PARK7: variants seen among roughly 807,000 people sequenced by gnomAD.
PARK7 encodes Parkinsonism associated deglycase, also known as Parkinson disease protein 7.
In PARK7, 14 loss-of-function variants were observed where a neutral mutation model predicts 20.5. The ratio of observed to expected loss-of-function variants is 0.68; its 90% CI spans 0.45 to 1.07. PARK7 has a LOEUF of 1.07. Among genes scored for constraint, PARK7 ranks in the 50% least tolerant of loss-of-function variants. The probability of loss-of-function intolerance (pLI) is 0.00; values close to 1 mark genes in which losing one functional copy is unlikely to be tolerated. For missense variants in PARK7, 234 were observed against 238.1 expected, an observed-to-expected ratio of 0.98 and a Z score of 0.11; for synonymous variants, 98 against 84.3, an observed-to-expected ratio of 1.16 and a Z score of -0.89.
chr1:7,983,804 C>A (rs1037722806), intron 6 of PARK7, among the ~76,000 whole-genome samples: 1 of 152,182 alleles, frequency 6.6e-6, no homozygotes, highest in South Asian at 2.1e-4. Context: ...GAAAGGAGAT[C>A]GAGTCAAGAA....
intron 5 of PARK7, among the ~76,000 whole-genome samples, chr1:7,972,497 T>C (rs936117524): frequency 1.6e-4 from 25 of 152,274 alleles, no homozygotes; most frequent in Admixed American, 1.4e-3. Flanking sequence ...CTTCTCAGTC[T>C]TTCAGGAGTG....
chr1:7,983,104 T>G (rs1030305717), intron 6 of PARK7: 4 of 152,226 alleles, frequency 2.6e-5, no homozygotes, highest in African/African-American at 9.6e-5. Flanking sequence ...ACTCTGCTTC[T>G]GTTTGAAGGG....
rs1000863991 is a variant in PARK7, at chr1:7,961,784, C to G, written c.-33C>G. 2 of 152,658 alleles carry G rather than the reference C, an allele frequency of 1.3e-5. No individual in the cohort carries two copies. The highest frequency in any genetic ancestry group is 1.3e-4 in the Admixed American group (2 of 15,276). The allele number at this position is 152,658 out of a possible 1,614,324, so 9.5% of individuals were successfully genotyped here. The stretch of plus-strand genomic sequence containing the variant: ...GGCGCCGCGTCCGCAGGAAGAGGCG[C>G]GGGGTGCAGGTCAGCGCCAGCGGGG... On this transcript the variant is annotated 5_prime_UTR_variant, in exon 1 of 7. Coordinates refer to ENST00000338639, the MANE Select transcript of PARK7 (RefSeq NM_007262.5).
chr1:7,974,835 CAG>C (rs1404704952), intron 5 of PARK7, among the ~76,000 whole-genome samples: 1 of 146,148 alleles, frequency 6.8e-6, no homozygotes, highest in Non-Finnish European at 1.5e-5. Flanking sequence ...AATTGGCAAA[CAG>C]AAAAATAAGA....
chr1:7,974,925 G>A (rs1031485548), intron 5 of PARK7, among the ~76,000 whole-genome samples: 5 of 148,270 alleles, frequency 3.4e-5, no homozygotes, highest in African/African-American at 5.0e-5. Flanking sequence ...GTGCAATTTC[G>A]GCTCACTGCA....
chr1:7,978,060 G>A (rs761854350), intron 6 of PARK7, among the ~76,000 whole-genome samples: 11 of 131,370 alleles, frequency 8.4e-5, no homozygotes, highest in African/African-American at 2.9e-4. Context: ...GCCATGGTGC[G>A]TTCTCTGCTC....
intron 5 of PARK7, among the ~76,000 whole-genome samples, chr1:7,973,212 A>G (rs1475449825): frequency 6.6e-6 from 1 of 152,212 alleles, no homozygotes; most frequent in Non-Finnish European, 1.5e-5. Flanking sequence ...GCTTACTACA[A>G]GAGTCACCAC....
rs920737833 is a variant in PARK7 at position 7,984,661 on chromosome 1, T to C, written c.410-233T>C. ...TAAAGTCTTAGCAGCTGCATTTAAC[T>C]CACGCATATTTGTTTCATTCTAACA... On this transcript the variant is annotated intron_variant, in intron 6 of 6. Transcript: ENST00000338639. This position sits in a 1 kb window ranked among gnomAD's most constrained non-coding sequence, Gnocchi z 4.3. Among the ~76,000 whole-genome samples the C allele has an allele frequency of 1.3e-5, 2 of 152,242 alleles. No homozygotes were observed. The highest frequency in any genetic ancestry group is 4.8e-5 in the African/African-American group (2 of 41,460).
chr1:7,968,852 A>C (rs1203962492), intron 3 of PARK7, among the ~76,000 whole-genome samples: 2 of 152,196 alleles, frequency 1.3e-5, no homozygotes, highest in Non-Finnish European at 2.9e-5. Flanking sequence ...GTTCATGTAC[A>C]TTCTTGTTGA....
intron 6 of PARK7, 61 bp downstream of exon 6, chr1:7,977,799 G>T (rs570248969): frequency 2.1e-6 from 3 of 1,429,132 alleles, no homozygotes; most frequent in Non-Finnish European, 2.9e-6. Flanking sequence ...TCGCTCCATC[G>T]CCCAGGCTGG....
chr1:7,985,257 G>T lies in PARK7; in HGVS notation c.*203G>T. ...TATACATTTCTAAGCCTTGTTTGCAGAATAAACAGGGCATTTAGCAAACTA... is the reference window on the plus strand; with the variant it reads ...TATACATTTCTAAGCCTTGTTTGCATAATAAACAGGGCATTTAGCAAACTA... On this transcript the variant is annotated 3_prime_UTR_variant, in exon 7 of 7. Transcript: ENST00000338639. 1.5e-6 allele frequency: 1 copy of T among 651,704 alleles called. No individual in the cohort carries two copies. The highest frequency in any genetic ancestry group is 2.6e-6 in the Non-Finnish European group (1 of 383,650). 40.4% of individuals were successfully genotyped at this position (651,704 alleles called of 1,614,324 possible).
At chr1:7,981,156 A>G (rs573926086) in intron 6 of PARK7, among the ~76,000 whole-genome samples, 1 of 152,320 alleles carries the variant, frequency 6.6e-6, no homozygotes, top group Admixed American at 6.5e-5. Context: ...GGAGCCTGGC[A>G]TCGTGGGGTG....
intron 5 of PARK7, chr1:7,971,630 T>C: frequency 6.5e-6 from 1 of 154,316 alleles, no homozygotes; most frequent in Non-Finnish European, 1.4e-5. Context: ...GTTGTATAGG[T>C]CTTCATTAAA....
intron 5 of PARK7, among the ~76,000 whole-genome samples, chr1:7,972,815 G>A (rs1640492718): frequency 6.6e-6 from 1 of 152,052 alleles, no homozygotes; most frequent in African/African-American, 2.4e-5. Context: ...GAGGTGGGAG[G>A]ATCACTTGAG....
chr1:7,983,607 G>A (rs995412102), intron 6 of PARK7, among the ~76,000 whole-genome samples: 8 of 152,282 alleles, frequency 5.3e-5, no homozygotes, highest in Non-Finnish European at 1.2e-4. Context: ...GTGACATGGA[G>A]TTCAGCGTGA....
At chr1:7,977,187 G>GTA (rs1640602064) in intron 5 of PARK7, among the ~76,000 whole-genome samples, 1 of 152,136 alleles carries the variant, frequency 6.6e-6, no homozygotes, top group Non-Finnish European at 1.5e-5. Context: ...TGGACTCCTG[G>GTA]TATATGTGGT....
intron 3 of PARK7, chr1:7,968,996 A>G (rs1640392317): frequency 4.8e-6 from 1 of 210,318 alleles, no homozygotes; most frequent in East Asian, 1.1e-4. Flanking sequence ...CTACCTGTAT[A>G]CAGAATATGT....
At chr1:7,966,559 G>A (rs978801019) in intron 3 of PARK7, among the ~76,000 whole-genome samples, 1 of 151,910 alleles carries the variant, frequency 6.6e-6, no homozygotes, top group Non-Finnish European at 1.5e-5. Context: ...AAAGCCAGGT[G>A]TGGTGGTGCA....
intron 5 of PARK7, among the ~76,000 whole-genome samples, chr1:7,974,134 A>ACCCCCCC (rs373742818): frequency 7.7e-6 from 1 of 129,074 alleles, no homozygotes; most frequent in Non-Finnish European, 1.7e-5. Flanking sequence ...ACATAGTGAG[A>ACCCCCCC]CCCCCCCACC....
Sources: allele counts gnomAD v4.1 joint callset (sites outside exome capture counted in the v4.1 genomes callset), GRCh38; gene constraint gnomAD v4.1.1; non-coding constraint Gnocchi (gnomAD v3.1); transcripts MANE v1.5; gene names NCBI Gene and HGNC (gene_info 2026-07-23, HGNC 2026-07-21).